The following NF1 variants were observed in gnomAD, a reference collection of about 807,000 sequenced individuals.
The protein encoded by NF1 is neurofibromin 1, also known as neurofibromin.
In NF1, 122 loss-of-function variants were observed where a neutral mutation model predicts 325.7. The observed-to-expected ratio is 0.37, with a 90% CI of 0.32 to 0.44. The LOEUF is 0.44. NF1 is among the 20% of genes least tolerant of loss of function. The probability of loss-of-function intolerance (pLI) is 1.00; values close to 1 mark genes in which losing one functional copy is unlikely to be tolerated. For missense variants in NF1, 2,140 were observed against 3,415.4 expected (o/e 0.63, Z 9.31); for synonymous variants, 1,091 against 1,186.0 (o/e 0.92, Z 1.65).
chr17:31,132,203 A>T (rs138221620), intron 1 of NF1, among the ~76,000 whole-genome samples: 1 of 152,214 alleles, frequency 6.6e-6, no homozygotes, highest in Non-Finnish European at 1.5e-5. Flanking sequence ...AAGTGCTAGG[A>T]TTACAGGCGT....
intron 23 of NF1, 29 bp from the exon 24 acceptor site, chr17:31,230,806 TTGTTTGC>T (rs751794030): frequency 1.0e-5 from 15 of 1,481,924 alleles, no homozygotes; most frequent in Middle Eastern, 1.7e-4. Flanking sequence ...TTCAAAAACA[TTGTTTGC>T]TGTTTCTCTT....
chr17:31,114,547 T>TAA (rs143972435), intron 1 of NF1, among the ~76,000 whole-genome samples: 2 of 102,032 alleles, frequency 2.0e-5, no homozygotes, highest in Admixed American at 1.0e-4. Context: ...CAAAAAAGAA[T>TAA]AAAAAAAAAA....
At chr17:31,315,706 T>C (rs1224071560) in intron 36 of NF1, among the ~76,000 whole-genome samples, 1 of 152,176 alleles carries the variant, frequency 6.6e-6, no homozygotes, top group Non-Finnish European at 1.5e-5. Context: ...ATTAAATAAA[T>C]GTAAAGTGCC....
chr17:31,359,204 T>A, intron 56 of NF1, 189 bp downstream of exon 56: 1 of 570,012 alleles, frequency 1.8e-6, no homozygotes. Context: ...TGTTGGGGTG[T>A]GTGTATTCAC....
At chr17:31,177,665 A>C (rs1404326545) in intron 5 of NF1, among the ~76,000 whole-genome samples, 1 of 152,052 alleles carries the variant, frequency 6.6e-6, no homozygotes, top group African/African-American at 2.4e-5. Context: ...CATCTTAGAG[A>C]AGAACATAAA....
chr17:31,329,890 G>C (rs371201804), intron 38 of NF1, among the ~76,000 whole-genome samples: 5 of 152,320 alleles, frequency 3.3e-5, no homozygotes, highest in South Asian at 4.1e-4. Flanking sequence ...ACTGGATCTA[G>C]TGGGAAAGAG....
intron 1 of NF1, 24 bp from the exon 2 acceptor site, chr17:31,155,959 G>T (rs887480700): frequency 1.4e-5 from 20 of 1,437,406 alleles, no homozygotes; most frequent in Admixed American, 5.6e-5. Flanking sequence ...CTGTTAACGT[G>T]TTTTTTTTTT....
chr17:31,207,544 G>A (rs1032770636), intron 12 of NF1, among the ~76,000 whole-genome samples: 6 of 152,010 alleles, frequency 3.9e-5, no homozygotes, highest in Admixed American at 1.3e-4. Flanking sequence ...GGATTATTGA[G>A]CCTAAAAAAT....
At chr17:31,237,520 A>G (rs754812877) in intron 29 of NF1, among the ~76,000 whole-genome samples, 1 of 152,116 alleles carries the variant, frequency 6.6e-6, no homozygotes, top group African/African-American at 2.4e-5. Flanking sequence ...AAAGAGATCC[A>G]CATGCTGTGG....
At chr17:31,260,658 CA>C (rs577676752) in intron 34 of NF1, 143 bp downstream of exon 34, 3 of 1,054,276 alleles carry the variant, frequency 2.8e-6, no homozygotes, top group Non-Finnish European at 4.2e-6. Context: ...TTCTTTTTTT[CA>C]AAAAAATACA....
At chr17:31,251,850 G>C (rs2067499664) in intron 30 of NF1, 1 of 215,810 alleles carries the variant, frequency 4.6e-6, no homozygotes, top group Non-Finnish European at 9.3e-6. Flanking sequence ...TTGGATGGAT[G>C]AATGGGTGGG....
chr17:31,154,954 G>A (rs1481578590), intron 1 of NF1, among the ~76,000 whole-genome samples: 1 of 151,952 alleles, frequency 6.6e-6, no homozygotes, highest in African/African-American at 2.4e-5. Flanking sequence ...GGCCAGGTTG[G>A]TCTCAATCTC....
chr17:31,340,489 A>G lies in NF1; in HGVS notation c.6922-16A>G, dbSNP rs202158964. 275 of 1,612,732 alleles carry G rather than the reference A, an allele frequency of 1.7e-4. No homozygotes were observed. Among genetic ancestry groups the G allele is most frequent in the Non-Finnish European group, 3.8e-5 (45 of 1,180,002 alleles). Reference sequence around the variant, plus strand: ...ATGATTCATCTTACTAGCCTCAAACATATCTTCTTTGCCAGGACTCGCCTC... The same window carrying G: ...ATGATTCATCTTACTAGCCTCAAACGTATCTTCTTTGCCAGGACTCGCCTC... On this transcript the variant is annotated splice_polypyrimidine_tract_variant and intron_variant, in intron 46 of 57. Coordinates refer to ENST00000358273, the MANE Select transcript of NF1 (RefSeq NM_001042492.3).
At chr17:31,178,601 C>T (rs1010756667) in intron 5 of NF1, among the ~76,000 whole-genome samples, 2 of 152,164 alleles carry the variant, frequency 1.3e-5, no homozygotes, top group Non-Finnish European at 2.9e-5. Flanking sequence ...CATCACTGTG[C>T]TGTATTCAGG....
intron 30 of NF1, chr17:31,252,612 T>C: frequency 3.3e-6 from 1 of 302,672 alleles, no homozygotes; most frequent in Non-Finnish European, 6.2e-6. Flanking sequence ...ATATTACATT[T>C]CTCAAAAGCT....
Position 31,336,247 on chromosome 17 carries a change from G to A in NF1, c.6007-86G>A, listed in dbSNP as rs2069665598. On this transcript the variant is annotated intron_variant, in intron 40 of 57. Coordinates refer to ENST00000358273, the MANE Select transcript of NF1 (RefSeq NM_001042492.3). This position sits in a 1 kb window ranked among gnomAD's most constrained non-coding sequence, Gnocchi z 5.5. ...TCAGGTAAAATAGAATTTTCATATT[G>A]ATTAGGCTGTTCCAATGAATATTTT... The A allele has an allele frequency of 1.4e-6, 2 of 1,425,472 alleles. No homozygotes were observed. Among genetic ancestry groups the A allele is most frequent in the Non-Finnish European group, 1.9e-6 (2 of 1,031,530 alleles). The allele number at this position is 1,425,472 out of a possible 1,614,324, so 88.3% of individuals were successfully genotyped here. A position where few individuals can be genotyped will look rare whatever the true frequency, so the allele number is the denominator to read the frequency against.
intron 29 of NF1, among the ~76,000 whole-genome samples, chr17:31,242,984 T>G (rs1372737909): frequency 1.1e-4 from 16 of 152,348 alleles, no homozygotes. Context: ...ATCTTAAGTC[T>G]TTGGTCACTG....
At chr17:31,096,130 T>C (rs1911689804) in intron 1 of NF1, among the ~76,000 whole-genome samples, 1 of 147,390 alleles carries the variant, frequency 6.8e-6, no homozygotes, top group Non-Finnish European at 1.5e-5. Flanking sequence ...TTGCAGTCTC[T>C]TCCCCCCCCC....
chr17:31,096,578 T>G (rs934380758), intron 1 of NF1, among the ~76,000 whole-genome samples: 11 of 152,126 alleles, frequency 7.2e-5, no homozygotes, highest in Non-Finnish European at 1.5e-5. Context: ...GGGGAATTGT[T>G]TAAGATTGAG....
Sources: gnomAD v4.1 joint callset for allele counts (sites outside exome capture counted in the v4.1 genomes callset) on GRCh38, gnomAD v4.1.1 for gene constraint, Gnocchi (gnomAD v3.1) non-coding constraint, MANE v1.5 for transcripts, NCBI Gene and HGNC (gene_info 2026-07-23, HGNC 2026-07-21) for gene names.